The following ADGRL4 variants were observed in gnomAD, a reference collection of about 807,000 sequenced individuals.
ADGRL4 encodes the protein EGF, latrophilin and seven transmembrane domain containing 1.
ADGRL4 carries 90 observed loss-of-function variants against 74.8 expected under a neutral mutation model. That is an observed-to-expected ratio of 1.20 (90% CI 1.02 to 1.43). The LOEUF is 1.43. Ranked by LOEUF, ADGRL4 falls within the 40% of genes most tolerant of loss-of-function variation. ADGRL4 has a pLI of 0.00. For missense variants in ADGRL4, 881 were observed against 814.3 expected (o/e 1.08, Z -1.00); for synonymous variants, 311 against 279.2 (o/e 1.11, Z -1.14).
At chr1:78,917,542 C>CT (rs1648902688) in intron 12 of ADGRL4, 92 bp downstream of exon 12, 1 of 723,998 alleles carries the variant, frequency 1.4e-6, no homozygotes, top group Non-Finnish European at 2.2e-6. Context: ...TCAAATTCTT[C>CT]TTTTTTAGAA....
At position 78,926,869 on chromosome 1, in the gene ADGRL4, C is replaced by T. The variant is rs769307221; in HGVS notation, c.1083+17G>A. On this transcript the variant is annotated intron_variant, in intron 8 of 14. Coordinates refer to ENST00000370742, the MANE Select transcript of ADGRL4 (RefSeq NM_022159.4). ...GTATCACAATCATAGCCAATAACTACCAGAAAAACAGCTTACCTTTCGATG... is the reference window on the plus strand; with the variant it reads ...GTATCACAATCATAGCCAATAACTATCAGAAAAACAGCTTACCTTTCGATG... 3.2e-6 allele frequency: 5 copies of T among 1,580,144 alleles called. No individual in the cohort carries two copies. The highest frequency in any genetic ancestry group is 2.6e-6 in the Non-Finnish European group (3 of 1,151,056).
rs1648932320 is a variant in ADGRL4, at chr1:78,918,477, G to T, written c.1462-427C>A. Among the ~76,000 whole-genome samples the T allele has an allele frequency of 2.6e-5, 4 of 151,652 alleles. No homozygotes were observed. In the South Asian group the frequency reaches 6.2e-4, roughly 24 times the overall value. On this transcript the variant is annotated intron_variant, in intron 10 of 14. Coordinates refer to ENST00000370742, the MANE Select transcript of ADGRL4 (RefSeq NM_022159.4). ...ACTCATAATACTCTGCTAGACAAAAGAAAATAAATATCTTAGATGACAAAA... is the reference window on the plus strand; with the variant it reads ...ACTCATAATACTCTGCTAGACAAAATAAAATAAATATCTTAGATGACAAAA...
At chr1:78,904,126 T>G (rs899270962) in intron 12 of ADGRL4, among the ~76,000 whole-genome samples, 1 of 151,860 alleles carries the variant, frequency 6.6e-6, no homozygotes, top group African/African-American at 2.4e-5. Flanking sequence ...ATGTATTCCT[T>G]TATATACTCC....
At chr1:78,985,687 A>G (rs1380129300) in intron 2 of ADGRL4, among the ~76,000 whole-genome samples, 1 of 151,838 alleles carries the variant, frequency 6.6e-6, no homozygotes, top group Non-Finnish European at 1.5e-5. Context: ...AAGCTTAAGC[A>G]ATATATAAGA....
intron 2 of ADGRL4, among the ~76,000 whole-genome samples, chr1:78,970,560 A>T (rs1465036539): frequency 6.6e-6 from 1 of 152,178 alleles, no homozygotes; most frequent in Non-Finnish European, 1.5e-5. Context: ...CAAGGACAGA[A>T]GAGGGAAAAA....
At chr1:78,960,467 T>C (rs954147459) in intron 2 of ADGRL4, among the ~76,000 whole-genome samples, 2 of 152,168 alleles carry the variant, frequency 1.3e-5, no homozygotes, top group Admixed American at 6.6e-5. Context: ...GACACTCTTA[T>C]TGAGTGACTT....
Position 79,006,648 on chromosome 1 carries a change from G to C in ADGRL4, c.7C>G (p.Arg3Gly). The C allele has an allele frequency of 6.6e-7, 1 of 1,515,574 alleles. No individual in the cohort carries two copies. The highest frequency in any genetic ancestry group is 1.2e-5 in the South Asian group (1 of 80,244). 93.9% of individuals were successfully genotyped at this position (1,515,574 alleles called of 1,614,324 possible). A position where few individuals can be genotyped will look rare whatever the true frequency, so the allele number is the denominator to read the frequency against. Residue 3 changes from arginine (R) to glycine (G), a missense_variant, in exon 1 of 15, where the codon CGC becomes GGC. Coordinates refer to ENST00000370742, the MANE Select transcript of ADGRL4 (RefSeq NM_022159.4). The part of the protein sequence containing the change: MK[R>G]LPLLVVFSTL... ...GAGCACTCACCTAGGAGCGGGAGGC[G>C]TTTCATTGGCGGTGGCCGCAGTGGT... is the stretch of plus-strand genomic sequence containing the variant.
chr1:78,973,852 G>C (rs950999596), intron 2 of ADGRL4, among the ~76,000 whole-genome samples: 2 of 151,712 alleles, frequency 1.3e-5, no homozygotes, highest in Non-Finnish European at 2.9e-5. Flanking sequence ...TTTCAATAAT[G>C]CCAGGAAGAT....
At chr1:78,893,447 A>G (rs1442838694) in intron 12 of ADGRL4, among the ~76,000 whole-genome samples, 2 of 151,940 alleles carry the variant, frequency 1.3e-5, no homozygotes, top group Non-Finnish European at 2.9e-5. Flanking sequence ...TAATATATAC[A>G]TTAAGTTAAA....
At chr1:78,951,896 C>A (rs943328179) in intron 2 of ADGRL4, among the ~76,000 whole-genome samples, 2 of 152,042 alleles carry the variant, frequency 1.3e-5, no homozygotes, top group African/African-American at 4.8e-5. Flanking sequence ...TCTCCAAATT[C>A]AAGAGTTATA....
chr1:78,917,570 A>C lies in ADGRL4; in HGVS notation c.1749+64T>G. 4 of 1,076,964 alleles carry C rather than the reference A, an allele frequency of 3.7e-6. No homozygotes were observed. The South Asian group carries it at 6.5e-5, about 17-fold the overall frequency. The allele number at this position is 1,076,964 out of a possible 1,614,324, so 66.7% of individuals were successfully genotyped here. ...TTTTAGAATAACACCTTATTGCTGG[A>C]AATTTTAAGCACCCTATGATCATCA... On this transcript the variant is annotated intron_variant, in intron 12 of 14. Transcript: ENST00000370742.
At chr1:78,972,196 A>T (rs973230807) in intron 2 of ADGRL4, among the ~76,000 whole-genome samples, 3 of 152,228 alleles carry the variant, frequency 2.0e-5, no homozygotes, top group Non-Finnish European at 4.4e-5. Flanking sequence ...TACTTATGTT[A>T]TGGAATCCTA....
At chr1:78,947,328 A>G (rs555737288) in intron 2 of ADGRL4, among the ~76,000 whole-genome samples, 34 of 152,322 alleles carry the variant, frequency 2.2e-4, no homozygotes, top group Non-Finnish European at 4.6e-4. Flanking sequence ...TGACATCCTT[A>G]TAAAAGGACG....
At chr1:78,990,221 A>G (rs1277875079) in intron 2 of ADGRL4, among the ~76,000 whole-genome samples, 3 of 151,940 alleles carry the variant, frequency 2.0e-5, no homozygotes, top group African/African-American at 4.8e-5. Context: ...AACACTTGTC[A>G]TACTTCAGAA....
At chr1:78,989,601 T>C (rs9970416) in intron 2 of ADGRL4, among the ~76,000 whole-genome samples, 149,872 of 151,718 alleles carry the variant, frequency 0.99, 74,063 homozygotes, top group Middle Eastern at 1. Context: ...TGTTGTAGTT[T>C]GTGGAGTTTG....
At chr1:78,937,656 A>G (rs1327701068) in intron 6 of ADGRL4, 151 bp downstream of exon 6, 19 of 656,148 alleles carry the variant, frequency 2.9e-5, no homozygotes, top group Non-Finnish European at 7.9e-6. Context: ...TGCTTTTGCA[A>G]TATGCATCAC....
At chr1:78,974,696 C>T (rs12122840) in intron 2 of ADGRL4, among the ~76,000 whole-genome samples, 11,842 of 152,150 alleles carry the variant, frequency 0.078, 482 homozygotes, top group South Asian at 0.11. Flanking sequence ...TTTCTGGCTT[C>T]TAGAGGCTGC....
chr1:78,928,048 C>G (rs928795437), intron 7 of ADGRL4, among the ~76,000 whole-genome samples: 1 of 151,456 alleles, frequency 6.6e-6, no homozygotes, highest in Non-Finnish European at 1.5e-5. Context: ...AGATGAGGGC[C>G]TGAGGCAGGA....
intron 12 of ADGRL4, among the ~76,000 whole-genome samples, chr1:78,896,343 T>A (rs1461107275): frequency 1.3e-5 from 2 of 152,158 alleles, no homozygotes; most frequent in Non-Finnish European, 2.9e-5. Context: ...TAATCTTACA[T>A]GTCTGTTTTG....
Sources: allele counts gnomAD v4.1 joint callset (sites outside exome capture counted in the v4.1 genomes callset), GRCh38; gene constraint gnomAD v4.1.1; transcripts MANE v1.5; gene names NCBI Gene and HGNC (gene_info 2026-07-23, HGNC 2026-07-21).